The following ASCC3 variants were observed in gnomAD, a reference collection of about 807,000 sequenced individuals.
The protein encoded by ASCC3 is activating signal cointegrator 1 complex subunit 3, also known as ASC-1 complex subunit P200.
Under a neutral mutation model 256.3 loss-of-function variants are expected in ASCC3, and 158 were observed. The ratio of observed to expected loss-of-function variants is 0.62; its 90% CI spans 0.54 to 0.70. The LOEUF (loss-of-function observed/expected upper bound fraction) is 0.70. ASCC3 is among the 30% of genes least tolerant of loss of function. The pLI, the probability that ASCC3 is intolerant of heterozygous loss-of-function variation, is 0.00. For missense variants in ASCC3, 2,259 were observed against 2,626.0 expected, an observed-to-expected ratio of 0.86 and a Z score of 3.05; for synonymous variants, 948 against 883.4, an observed-to-expected ratio of 1.07 and a Z score of -1.30.
At chr6:100,804,339 T>C (rs780635598) in intron 5 of ASCC3, among the ~76,000 whole-genome samples, 5 of 152,106 alleles carry the variant, frequency 3.3e-5, no homozygotes, top group African/African-American at 4.8e-5. Flanking sequence ...AACTTTAAGT[T>C]TGAAAGTTGT....
intron 10 of ASCC3, among the ~76,000 whole-genome samples, chr6:100,758,113 G>T (rs955409439): frequency 6.6e-6 from 1 of 152,058 alleles, no homozygotes; most frequent in Non-Finnish European, 1.5e-5. Context: ...AAAAAGTCCA[G>T]GATGCAACTG....
intron 30 of ASCC3, among the ~76,000 whole-genome samples, chr6:100,613,358 T>C (rs1273839145): frequency 6.6e-6 from 1 of 152,124 alleles, no homozygotes; most frequent in African/African-American, 2.4e-5. Flanking sequence ...GTCACATGTA[T>C]ACATTTTTTA....
At position 100,627,901 on chromosome 6, in the gene ASCC3, C is replaced by T. The variant is rs781207212; in HGVS notation, c.4462G>A (p.Gly1488Arg). 3.1e-6 allele frequency: 5 copies of T among 1,613,254 alleles called. No individual in the cohort carries two copies. The Admixed American group carries it at 8.4e-5, about 27-fold the overall frequency. Residue 1488 changes from glycine to arginine, a missense_variant, in exon 28 of 42, where the codon GGA becomes AGA. This residue lies in a region of ASCC3 where 1,839 missense variants were observed against 2,206.7 expected (regional missense o/e 0.83). Transcript: ENST00000369162. ...SHTEKPVRIV[G>R]LSTALANARD... The stretch of plus-strand genomic sequence containing the variant: ...GCATTAGCTAATGCAGTAGATAGTC[C>T]AACTATTCTAACAGGCTTTTCTGTG...
At position 100,652,637 on chromosome 6, in the gene ASCC3, T is replaced by C. The variant is rs549323901; in HGVS notation, c.2988+88A>G. Reference sequence around the variant, plus strand: ...GTTAAATGGATTTTGTTCTATTATTTGCTTTCATTATTTTACATTAATAAT... The same window carrying C: ...GTTAAATGGATTTTGTTCTATTATTCGCTTTCATTATTTTACATTAATAAT... On this transcript the variant is annotated intron_variant, in intron 18 of 41. Transcript: ENST00000369162. 6.0e-5 allele frequency: 79 copies of C among 1,325,108 alleles called. 1 individual carries two copies. In the South Asian group the frequency reaches 8.4e-4, roughly 14 times the overall value. The allele number at this position is 1,325,108 out of a possible 1,614,324, so 82.1% of individuals were successfully genotyped here.
chr6:100,629,716 G>T (rs1774436491), intron 26 of ASCC3, among the ~76,000 whole-genome samples: 2 of 151,976 alleles, frequency 1.3e-5, no homozygotes, highest in African/African-American at 4.8e-5. Flanking sequence ...GTATTAGGAT[G>T]AAAACAAGAT....
At chr6:100,813,281 G>A (rs1448403694) in intron 4 of ASCC3, among the ~76,000 whole-genome samples, 2 of 151,854 alleles carry the variant, frequency 1.3e-5, no homozygotes, top group African/African-American at 4.8e-5. Context: ...TATGCAGAAT[G>A]CCTGTCTCTA....
chr6:100,867,930 T>C lies in ASCC3; in HGVS notation c.68A>G (p.Asn23Ser). The C allele has an allele frequency of 6.2e-7, 1 of 1,613,584 alleles. No homozygotes were observed. Among genetic ancestry groups the C allele is most frequent in the South Asian group, 1.1e-5 (1 of 91,048 alleles). ...TACCTTTAAGTCAGCCACTTCTTCA[T>C]TATAATTATCTTGCTTGGTGACATT... ...FSNVTKQDNY[N>S]EEVADLKIKR... is the part of the protein sequence containing the mutation. Residue 23 changes from asparagine (N) to serine (S), a missense_variant, in exon 2 of 42, where the codon AAT becomes AGT. Coordinates refer to ENST00000369162, the MANE Select transcript of ASCC3 (RefSeq NM_006828.4).
chr6:100,854,919 C>T (rs1562346692), intron 3 of ASCC3, among the ~76,000 whole-genome samples: 1 of 152,092 alleles, frequency 6.6e-6, no homozygotes, highest in East Asian at 1.9e-4. Context: ...ATTTTCACTT[C>T]AGTGCAACAC....
intron 13 of ASCC3, among the ~76,000 whole-genome samples, chr6:100,706,457 G>A (rs541808188): frequency 2.6e-5 from 4 of 151,550 alleles, no homozygotes; most frequent in Middle Eastern, 3.4e-3. Context: ...AATCCTTTAC[G>A]AGGTTCCAAG....
At chr6:100,578,194 A>G (rs944008239) in intron 36 of ASCC3, among the ~76,000 whole-genome samples, 6 of 152,090 alleles carry the variant, frequency 3.9e-5, no homozygotes, top group Admixed American at 6.6e-5. Context: ...TTCAGAGGAT[A>G]AGGTATAAAC....
intron 30 of ASCC3, among the ~76,000 whole-genome samples, chr6:100,617,190 T>A (rs1204430440): frequency 2.0e-5 from 3 of 151,982 alleles, no homozygotes; most frequent in Admixed American, 1.3e-4. Flanking sequence ...TTTTTTTTAG[T>A]AGAGATGGGG....
chr6:100,563,998 A>T (rs1160979614), intron 36 of ASCC3, among the ~76,000 whole-genome samples: 1 of 151,954 alleles, frequency 6.6e-6, no homozygotes, highest in African/African-American at 2.4e-5. Context: ...ACAGTTAGAA[A>T]ATGGTGCAGT....
rs948970388 is a variant in ASCC3 at position 100,509,201 on chromosome 6, G to A, written c.*185C>T. 12 of 705,294 alleles carry A rather than the reference G, an allele frequency of 1.7e-5. No individual in the cohort carries two copies. The African/African-American group carries it at 1.9e-4, about 11-fold the overall frequency. The allele number at this position is 705,294 out of a possible 1,614,324, so 43.7% of individuals were successfully genotyped here. On this transcript the variant is annotated 3_prime_UTR_variant, in exon 42 of 42. Transcript: ENST00000369162. ...GATAACATTATAAAAGGCAACATTT[G>A]TTAAAAGGCCACTGTGGTTAACTTT...
intron 9 of ASCC3, 94 bp downstream of exon 9, chr6:100,767,051 C>CT: frequency 7.9e-7 from 1 of 1,265,204 alleles, no homozygotes; most frequent in Admixed American, 1.9e-5. Context: ...AGTACAATAT[C>CT]TTTAAGAACT....
Position 100,796,231 on chromosome 6 carries a change from C to T in ASCC3, c.1395+2482G>A, listed in dbSNP as rs77772696. ...AGTATGTGGAGAAACTAGACTATAT[C>T]GAATTGCTCATGGCTGTGTTAAATG... is the stretch of plus-strand genomic sequence containing the variant. On this transcript the variant is annotated intron_variant, in intron 8 of 41. Coordinates refer to ENST00000369162, the MANE Select transcript of ASCC3 (RefSeq NM_006828.4). Among the ~76,000 whole-genome samples the T allele has an allele frequency of 4.9e-3, 746 of 152,222 alleles. 9 individuals are homozygous for T. The highest frequency in any genetic ancestry group is 0.017 in the African/African-American group (719 of 41,538).
chr6:100,761,070 C>T (rs1781397741), intron 10 of ASCC3, among the ~76,000 whole-genome samples: 1 of 152,114 alleles, frequency 6.6e-6, no homozygotes, highest in Admixed American at 6.6e-5. Context: ...AAGAAAGAAT[C>T]TTGAATCTTT....
At chr6:100,598,111 A>T (rs971969920) in intron 34 of ASCC3, among the ~76,000 whole-genome samples, 2 of 152,144 alleles carry the variant, frequency 1.3e-5, no homozygotes, top group African/African-American at 4.8e-5. Flanking sequence ...ACTGCAGGCA[A>T]GAAGAAGAGT....
intron 11 of ASCC3, 77 bp downstream of exon 11, chr6:100,725,462 A>G: frequency 2.1e-6 from 3 of 1,425,918 alleles, no homozygotes; most frequent in Non-Finnish European, 3.0e-6. Flanking sequence ...ACACAGGTCT[A>G]CAGTGAAAAT....
chr6:100,584,346 CTTCT>C (rs1319364842), intron 36 of ASCC3, among the ~76,000 whole-genome samples: 2 of 151,468 alleles, frequency 1.3e-5, no homozygotes, highest in Admixed American at 1.4e-4. Context: ...ATGTAATGGC[CTTCT>C]TTGTGTCTTT....
Sources: gnomAD v4.1 joint callset for allele counts (sites outside exome capture counted in the v4.1 genomes callset) on GRCh38, gnomAD v4.1.1 for gene constraint, gnomAD v4.1.1 regional missense constraint, MANE v1.5 for transcripts, NCBI Gene and HGNC (gene_info 2026-07-23, HGNC 2026-07-21) for gene names.